MVB12B: variants seen among roughly 807,000 people sequenced by gnomAD.
MVB12B encodes ESCRT-I complex subunit MVB12B.
A neutral mutation model predicts 41.6 loss-of-function variants in MVB12B; 16 were observed. The ratio of observed to expected loss-of-function variants is 0.38; its 90% CI spans 0.26 to 0.58. The LOEUF (loss-of-function observed/expected upper bound fraction) is 0.58, where lower values mean the gene tolerates loss of function less well. Ranked by LOEUF, MVB12B falls within the 20% of genes least tolerant of loss-of-function variation. MVB12B has a pLI of 0.62. For missense variants in MVB12B, 274 were observed against 380.2 expected (o/e 0.72, Z 2.32); for synonymous variants, 133 against 139.7 (o/e 0.95, Z 0.34).
chr9:126,418,493 C>T (rs941493509), intron 6 of MVB12B, among the ~76,000 whole-genome samples: 2 of 152,194 alleles, frequency 1.3e-5, no homozygotes, highest in African/African-American at 4.8e-5. Flanking sequence ...ATTGTAGGCT[C>T]ATGATCATTT....
intron 7 of MVB12B, among the ~76,000 whole-genome samples, chr9:126,426,297 CT>C (rs1199983062): frequency 1.3e-5 from 2 of 152,178 alleles, no homozygotes; most frequent in African/African-American, 4.8e-5. Context: ...TCAAAACAAC[CT>C]TTTTTGATAG....
chr9:126,456,129 G>A (rs985023567), intron 7 of MVB12B, among the ~76,000 whole-genome samples: 1 of 152,076 alleles, frequency 6.6e-6, no homozygotes, highest in African/African-American at 2.4e-5. Context: ...GACCTTAGGT[G>A]ATCCGCCCAC....
chr9:126,439,494 G>A (rs943047035), intron 7 of MVB12B, among the ~76,000 whole-genome samples: 12 of 152,162 alleles, frequency 7.9e-5, no homozygotes, highest in Non-Finnish European at 2.9e-5. Flanking sequence ...CTCTTATTTT[G>A]TATCTACTCT....
intron 6 of MVB12B, among the ~76,000 whole-genome samples, chr9:126,409,859 A>G (rs1831577902): frequency 6.6e-6 from 1 of 152,262 alleles, no homozygotes; most frequent in Non-Finnish European, 1.5e-5. Flanking sequence ...CAAATTAGGA[A>G]TAAGTGTCAA....
chr9:126,360,059 A>G (rs1829988246), intron 2 of MVB12B, among the ~76,000 whole-genome samples: 1 of 152,192 alleles, frequency 6.6e-6, no homozygotes, highest in Admixed American at 6.5e-5. Flanking sequence ...TAAGCATTTA[A>G]TGCTATGAAT....
rs533145565 is a variant in MVB12B, at chr9:126,436,326, C to G, written c.757+14378C>G. Reference sequence around the variant, plus strand: ...TGTGCAGCCGCCTTTTAGGAACACTCTTAGGTTTTAATTGGATTGGGAAAA... The same window carrying G: ...TGTGCAGCCGCCTTTTAGGAACACTGTTAGGTTTTAATTGGATTGGGAAAA... On this transcript the variant is annotated intron_variant, in intron 7 of 9. Coordinates refer to ENST00000361171, the MANE Select transcript of MVB12B (RefSeq NM_033446.3). The surrounding 1 kb of genome is among the most constrained non-coding windows in gnomAD (Gnocchi z 4.1). 8.5e-5 allele frequency among the ~76,000 whole-genome samples: 13 copies of G among 152,188 alleles called. No homozygotes were observed. The highest frequency in any genetic ancestry group is 1.3e-4 in the Admixed American group (2 of 15,282).
chr9:126,338,052 C>T (rs1185606753), intron 1 of MVB12B, among the ~76,000 whole-genome samples: 1 of 152,224 alleles, frequency 6.6e-6, no homozygotes, highest in East Asian at 1.9e-4. Flanking sequence ...CCATGGATAT[C>T]TTGGGCGTTT....
At chr9:126,446,306 C>G (rs1408757898) in intron 7 of MVB12B, among the ~76,000 whole-genome samples, 1 of 151,886 alleles carries the variant, frequency 6.6e-6, no homozygotes, top group Admixed American at 6.6e-5. Flanking sequence ...TTTCTGAAAT[C>G]AATCTTTATT....
intron 2 of MVB12B, among the ~76,000 whole-genome samples, chr9:126,379,246 G>A (rs1830570297): frequency 6.6e-6 from 1 of 152,216 alleles, no homozygotes; most frequent in Non-Finnish European, 1.5e-5. Flanking sequence ...TAAAATAGAT[G>A]CATGTGTTTG....
intron 2 of MVB12B, among the ~76,000 whole-genome samples, chr9:126,347,890 A>AG (rs1397666267): frequency 2.0e-5 from 3 of 152,204 alleles, no homozygotes; most frequent in Non-Finnish European, 4.4e-5. Flanking sequence ...GGGGCCTTTC[A>AG]GGGGGCAGGA....
chr9:126,414,661 C>T (rs1831756164), intron 6 of MVB12B, among the ~76,000 whole-genome samples: 1 of 152,072 alleles, frequency 6.6e-6, no homozygotes, highest in Non-Finnish European at 1.5e-5. Context: ...GCCTTTGAGT[C>T]TCCTTCTCCT....
chr9:126,427,957 T>C (rs10987274), intron 7 of MVB12B, among the ~76,000 whole-genome samples: 2 of 3,610 alleles, frequency 5.5e-4, no homozygotes, highest in Non-Finnish European at 1.9e-3. Flanking sequence ...GCTTTTTTTC[T>C]TTTTTTTTTT....
At chr9:126,329,042 C>T (rs1401226444) in intron 1 of MVB12B, among the ~76,000 whole-genome samples, 2 of 152,136 alleles carry the variant, frequency 1.3e-5, no homozygotes, top group African/African-American at 2.4e-5. Flanking sequence ...CTTGGCCTCC[C>T]AAATTCCTGG....
Position 126,376,669 on chromosome 9 carries a change from A to G in MVB12B, c.205-4395A>G. On this transcript the variant is annotated intron_variant, in intron 2 of 9. Coordinates refer to ENST00000361171, the MANE Select transcript of MVB12B (RefSeq NM_033446.3). This position sits in a 1 kb window ranked among gnomAD's most constrained non-coding sequence, Gnocchi z 4.1. The stretch of plus-strand genomic sequence containing the variant: ...AGGGAGGGGCCTGCCATTGCCATTC[A>G]GTGTGTACGCTTGGTTACTCAATTA... 1 of 1,288,248 alleles carries G rather than the reference A, an allele frequency of 7.8e-7. No individual in the cohort carries two copies. The highest frequency in any genetic ancestry group is 1.0e-6 in the Non-Finnish European group (1 of 988,030). 79.8% of individuals were successfully genotyped at this position (1,288,248 alleles called of 1,614,324 possible).
At chr9:126,453,647 A>G (rs1832922821) in intron 7 of MVB12B, among the ~76,000 whole-genome samples, 1 of 152,176 alleles carries the variant, frequency 6.6e-6, no homozygotes, top group Non-Finnish European at 1.5e-5. Context: ...CCCTTCTCAC[A>G]TGTGCATAAC....
At chr9:126,361,967 C>T (rs1588106609) in intron 2 of MVB12B, among the ~76,000 whole-genome samples, 1 of 145,464 alleles carries the variant, frequency 6.9e-6, no homozygotes, top group African/African-American at 2.5e-5. Context: ...TGCATTGTTT[C>T]TTATAAGAAG....
At chr9:126,397,314 G>A in intron 6 of MVB12B, 1 of 985,476 alleles carries the variant, frequency 1.0e-6, no homozygotes, top group South Asian at 4.7e-5. Context: ...GCCTGCTGGT[G>A]ACTGTGAGAG....
chr9:126,397,309 C>T (rs1488908938), intron 6 of MVB12B: 1 of 985,380 alleles, frequency 1.0e-6, no homozygotes, highest in Admixed American at 6.1e-5. Flanking sequence ...CAGAAGCCTG[C>T]TGGTGACTGT....
Position 126,454,913 on chromosome 9 carries a change from A to G in MVB12B, c.758-26456A>G, listed in dbSNP as rs1832951113. Reference sequence around the variant, plus strand: ...CTCTCCACCAGACTCCACTGATAGGAATACTGGGCAGCCCTTTCTTCCCTT... The same window carrying G: ...CTCTCCACCAGACTCCACTGATAGGGATACTGGGCAGCCCTTTCTTCCCTT... On this transcript the variant is annotated intron_variant, in intron 7 of 9. Coordinates refer to ENST00000361171, the MANE Select transcript of MVB12B (RefSeq NM_033446.3). 2.0e-5 allele frequency among the ~76,000 whole-genome samples: 3 copies of G among 152,040 alleles called. No homozygotes were observed. The South Asian group carries it at 6.2e-4, about 32-fold the overall frequency.
Sources: gnomAD v4.1 joint callset for allele counts (sites outside exome capture counted in the v4.1 genomes callset) on GRCh38, gnomAD v4.1.1 for gene constraint, Gnocchi (gnomAD v3.1) non-coding constraint, MANE v1.5 for transcripts, NCBI Gene and HGNC (gene_info 2026-07-23, HGNC 2026-07-21) for gene names.